The following DENND4C variants were observed in gnomAD, a reference collection of about 807,000 sequenced individuals.
DENND4C encodes DENN domain containing 4C, also known as DENN domain-containing protein 4C.
DENND4C carries 108 observed loss-of-function variants against 203.0 expected under a neutral mutation model. The observed-to-expected ratio is 0.53, with a 90% confidence interval of 0.46 to 0.62. The LOEUF is 0.62. DENND4C is among the 20% of genes least tolerant of loss of function. The pLI, the probability that DENND4C is intolerant of heterozygous loss-of-function variation, is 0.00. For synonymous variants in DENND4C, 871 were observed against 792.4 expected, an observed-to-expected ratio of 1.10 and a Z score of -1.67; for missense variants, 2,481 against 2,301.2, an observed-to-expected ratio of 1.08 and a Z score of -1.60.
chr9:19,317,573 TA>T (rs202030642), intron 12 of DENND4C, among the ~76,000 whole-genome samples: 33 of 152,196 alleles, frequency 2.2e-4, no homozygotes, highest in Admixed American at 4.6e-4. Flanking sequence ...GTGATTACTT[TA>T]AAAAAAATCT....
rs764034455 is a variant in DENND4C at position 19,316,856 on chromosome 9, G to C, written c.1807+17G>C. Reference sequence around the variant, plus strand: ...ACCGACAGGGTGAGTAGCATTGAAAGTACAATTCCTTTTATTGAGGTGAAA... The same window carrying C: ...ACCGACAGGGTGAGTAGCATTGAAACTACAATTCCTTTTATTGAGGTGAAA... On this transcript the variant is annotated intron_variant, in intron 12 of 32. Coordinates refer to ENST00000434457, the MANE Select transcript of DENND4C (RefSeq NM_001330640.2). 24 of 1,580,058 alleles carry C rather than the reference G, an allele frequency of 1.5e-5. No individual in the cohort carries two copies. The South Asian group carries it at 2.7e-4, about 18-fold the overall frequency.
At chr9:19,252,305 C>T (rs1826824440) in intron 1 of DENND4C, among the ~76,000 whole-genome samples, 1 of 152,120 alleles carries the variant, frequency 6.6e-6, no homozygotes, top group Non-Finnish European at 1.5e-5. Context: ...AAAGACCCTC[C>T]CCTGTGATTC....
chr9:19,336,524 C>T, intron 19 of DENND4C, 110 bp downstream of exon 19: 1 of 1,444,362 alleles, frequency 6.9e-7, no homozygotes, highest in Non-Finnish European at 9.2e-7. Flanking sequence ...GACATTTTCA[C>T]ATACATTTAA....
intron 12 of DENND4C, among the ~76,000 whole-genome samples, chr9:19,323,205 C>T (rs138162167): frequency 0.021 from 3,230 of 152,206 alleles, 124 homozygotes; most frequent in African/African-American, 0.073. Context: ...GAGGCCAAGG[C>T]GGGCTGATCA....
chr9:19,372,071 T>G lies in DENND4C; in HGVS notation c.5775T>G (p.Asn1925Lys). 6.2e-7 allele frequency: 1 copy of G among 1,613,778 alleles called. No homozygotes were observed. Among genetic ancestry groups the G allele is most frequent in the Non-Finnish European group, 8.5e-7 (1 of 1,179,926 alleles). The change falls in exon 33 of 33, where the codon AAT becomes AAG. Residue 1925 changes from asparagine to lysine, a missense_variant. Coordinates refer to ENST00000434457, the MANE Select transcript of DENND4C (RefSeq NM_001330640.2). ...AFDNEYGIAY[N>K]SLSSEILERL... The stretch of plus-strand genomic sequence containing the variant: ...ACAATGAATATGGAATTGCATACAA[T>G]AGTCTGTCTTCAGAGATTCTTGAAA...
At chr9:19,370,378 C>G (rs1828575094) in intron 31 of DENND4C, among the ~76,000 whole-genome samples, 1 of 151,698 alleles carries the variant, frequency 6.6e-6, no homozygotes, top group African/African-American at 2.4e-5. Flanking sequence ...TTCTTGAGCC[C>G]AGGAGGTCCA....
intron 1 of DENND4C, among the ~76,000 whole-genome samples, chr9:19,274,330 T>C (rs1832401625): frequency 6.6e-6 from 1 of 151,848 alleles, no homozygotes; most frequent in Non-Finnish European, 1.5e-5. Flanking sequence ...AATTTTGCTC[T>C]TGTTGCCCAG....
intron 4 of DENND4C, among the ~76,000 whole-genome samples, chr9:19,290,061 T>C (rs1401387881): frequency 6.6e-6 from 1 of 152,142 alleles, no homozygotes; most frequent in Non-Finnish European, 1.5e-5. Flanking sequence ...ATTTTGAAGT[T>C]TTTCACTTAG....
At chr9:19,313,902 G>T (rs1841233924) in intron 10 of DENND4C, among the ~76,000 whole-genome samples, 1 of 152,172 alleles carries the variant, frequency 6.6e-6, no homozygotes, top group South Asian at 2.1e-4. Flanking sequence ...GCTAAGCTAT[G>T]AGGACACAAG....
Position 19,298,136 on chromosome 9 carries a change from AG to A in DENND4C, c.1107+15del, listed in dbSNP as rs1563776255. Reference sequence around the variant, plus strand: ...ATCCTTGTCCAGGTAATCAAAAGAGAGTATATTTGGGGAGAACTTTGCATAT... The same window carrying A: ...ATCCTTGTCCAGGTAATCAAAAGAGATATATTTGGGGAGAACTTTGCATAT... On this transcript the variant is annotated intron_variant, in intron 7 of 32. Transcript: ENST00000434457. The A allele has an allele frequency of 1.2e-6, 2 of 1,604,140 alleles. No homozygotes were observed. Among genetic ancestry groups the A allele is most frequent in the South Asian group, 2.2e-5 (2 of 88,896 alleles).
chr9:19,309,831 G>C (rs73435121), intron 10 of DENND4C, among the ~76,000 whole-genome samples: 10,734 of 151,888 alleles, frequency 0.071, 1,223 homozygotes, highest in African/African-American at 0.24. Context: ...ATGTTTACCT[G>C]AAGTGGTTAA....
Position 19,374,006 on chromosome 9 carries a change from G to C in DENND4C, c.*1833G>C, listed in dbSNP as rs1273644001. Among the ~76,000 whole-genome samples the C allele has an allele frequency of 6.6e-6, 1 of 152,102 alleles. No individual in the cohort carries two copies. Among genetic ancestry groups the C allele is most frequent in the Non-Finnish European group, 1.5e-5 (1 of 68,016 alleles). ...AAAATGGATCTTTTGCACTGTCTGAGAGTATATATTTTTGCAACTCAAGAC... is the reference window on the plus strand; with the variant it reads ...AAAATGGATCTTTTGCACTGTCTGACAGTATATATTTTTGCAACTCAAGAC... On this transcript the variant is annotated 3_prime_UTR_variant, in exon 33 of 33. Coordinates refer to ENST00000434457, the MANE Select transcript of DENND4C (RefSeq NM_001330640.2).
chr9:19,298,248 CT>C, intron 7 of DENND4C, 126 bp downstream of exon 7: 2 of 775,404 alleles, frequency 2.6e-6, no homozygotes. Flanking sequence ...CTTGGATTTT[CT>C]GTGCTTTGTA....
In DENND4C at chr9:19,358,412, G is replaced by T. The variant is rs1437030927; in HGVS notation, c.5160+252G>T. Among the ~76,000 whole-genome samples, 1 of 151,974 alleles carries T rather than the reference G, an allele frequency of 6.6e-6. No homozygotes were observed. Among genetic ancestry groups the T allele is most frequent in the African/African-American group, 2.4e-5 (1 of 41,378 alleles). On this transcript the variant is annotated intron_variant, in intron 28 of 32. Transcript: ENST00000434457. This position sits in a 1 kb window ranked among gnomAD's most constrained non-coding sequence, Gnocchi z 4.8. ...CTTCTTTTATGTATATTCTCATTCA[G>T]TTCTCTCTTTTTTTGAGATTATTTT... is the stretch of plus-strand genomic sequence containing the variant.
At chr9:19,295,975 C>G (rs763765277) in intron 5 of DENND4C, 33 bp from the exon 6 acceptor site, 1 of 1,507,416 alleles carries the variant, frequency 6.6e-7, no homozygotes, top group South Asian at 1.2e-5. Context: ...CAAACAAACT[C>G]AAATCTTATA....
rs754920227 is a variant in DENND4C at position 19,352,478 on chromosome 9, TTC to T, written c.4606-10_4606-9del. 2 of 1,554,248 alleles carry T rather than the reference TTC, an allele frequency of 1.3e-6. No individual in the cohort carries two copies. The highest frequency in any genetic ancestry group is 2.8e-5 in the African/African-American group (2 of 72,670). On this transcript the variant is annotated splice_polypyrimidine_tract_variant and intron_variant, in intron 25 of 32. Transcript: ENST00000434457. ...TTAAACGTTCTCAGTGTCTGCATTT[TTC>T]TGTTTTTAGGTTTTGATGTCCAGTT...
At chr9:19,315,988 TA>T (rs1327654114) in intron 10 of DENND4C, among the ~76,000 whole-genome samples, 4 of 152,210 alleles carry the variant, frequency 2.6e-5, no homozygotes, top group Admixed American at 1.3e-4. Flanking sequence ...TGATTATTTT[TA>T]ACTGTGAGGG....
intron 27 of DENND4C, 101 bp downstream of exon 27, chr9:19,357,255 T>C (rs1321525282): frequency 8.5e-7 from 1 of 1,178,694 alleles, no homozygotes; most frequent in South Asian, 1.4e-5. Flanking sequence ...GCATAAGTTC[T>C]GGCATTTAAG....
At chr9:19,293,450 G>C (rs1254024462) in intron 5 of DENND4C, among the ~76,000 whole-genome samples, 1 of 142,486 alleles carries the variant, frequency 7.0e-6, no homozygotes, top group Non-Finnish European at 1.6e-5. Flanking sequence ...GAAGGGGATG[G>C]GTTAAAAACT....
Sources: gnomAD v4.1 joint callset for allele counts (sites outside exome capture counted in the v4.1 genomes callset) on GRCh38, gnomAD v4.1.1 for gene constraint, Gnocchi (gnomAD v3.1) non-coding constraint, MANE v1.5 for transcripts, NCBI Gene and HGNC (gene_info 2026-07-23, HGNC 2026-07-21) for gene names.